The following DLGAP2 variants were observed in gnomAD, a reference collection of about 807,000 sequenced individuals.
DLGAP2 encodes the protein disks large-associated protein 2.
Under a neutral mutation model 100.3 loss-of-function variants are expected in DLGAP2, and 26 were observed. The observed-to-expected ratio is 0.26, with a 90% CI of 0.19 to 0.36. The LOEUF (loss-of-function observed/expected upper bound fraction) is 0.36, where lower values mean the gene tolerates loss of function less well. DLGAP2 is among the 10% of genes least tolerant of loss of function. The pLI is 1.00. For missense variants in DLGAP2, 1,858 were observed against 1,453.2 expected (o/e 1.28, Z -4.53); for synonymous variants, 886 against 630.1 (o/e 1.41, Z -6.08).
chr8:786,199 C>CTGGCTCATCAGTTTCCTCAG (rs1206901156), intron 1 of DLGAP2, among the ~76,000 whole-genome samples: 1 of 152,196 alleles, frequency 6.6e-6, no homozygotes, highest in Non-Finnish European at 1.5e-5. Flanking sequence ...GTCTCGGCCT[C>CTGGCTCATCAGTTTCCTCAG]TGGCTCATCA....
At chr8:1,501,199 G>A (rs1799710663) in intron 3 of DLGAP2, among the ~76,000 whole-genome samples, 167 bp from the exon 4 acceptor site, 1 of 152,206 alleles carries the variant, frequency 6.6e-6, no homozygotes, top group Non-Finnish European at 1.5e-5. Flanking sequence ...TTGTTCCTGA[G>A]GTTATTGGCA....
chr8:1,418,303 G>C (rs1344856102), intron 3 of DLGAP2, among the ~76,000 whole-genome samples: 1 of 152,216 alleles, frequency 6.6e-6, no homozygotes, highest in East Asian at 1.9e-4. Flanking sequence ...AAATTAAACA[G>C]CTTCACTTTA....
chr8:1,482,998 C>G (rs1374820233), intron 3 of DLGAP2, among the ~76,000 whole-genome samples: 1 of 152,242 alleles, frequency 6.6e-6, no homozygotes. Flanking sequence ...CCTGGCGCAC[C>G]TGTTCTTCCC....
At chr8:1,393,079 C>T (rs1451103315) in intron 3 of DLGAP2, among the ~76,000 whole-genome samples, 1 of 34,866 alleles carries the variant, frequency 2.9e-5, no homozygotes, top group Non-Finnish European at 5.7e-5. Context: ...CCTCCAGAGT[C>T]GTGCATTGAG....
At chr8:1,305,986 C>T (rs570888399) in intron 3 of DLGAP2, among the ~76,000 whole-genome samples, 1 of 149,646 alleles carries the variant, frequency 6.7e-6, no homozygotes, top group African/African-American at 2.4e-5. Flanking sequence ...AATTTTATAT[C>T]CAGATATTTT....
At chr8:1,112,884 G>A (rs1164461681) in intron 2 of DLGAP2, among the ~76,000 whole-genome samples, 1 of 152,038 alleles carries the variant, frequency 6.6e-6, no homozygotes, top group Non-Finnish European at 1.5e-5. Context: ...TTTTGTACAT[G>A]GCATAAGGAA....
intron 6 of DLGAP2, among the ~76,000 whole-genome samples, chr8:1,606,538 A>G (rs1167684419): frequency 6.6e-6 from 1 of 152,154 alleles, no homozygotes; most frequent in Middle Eastern, 3.2e-3. Context: ...TCCACATTGC[A>G]GCATGTGTCA....
intron 3 of DLGAP2, among the ~76,000 whole-genome samples, chr8:1,452,650 A>C (rs1312050908): frequency 6.6e-6 from 1 of 152,226 alleles, no homozygotes; most frequent in East Asian, 1.9e-4. Context: ...CTTAGGAGGC[A>C]GGAGATGCCG....
chr8:1,317,340 A>C (rs1349312820), intron 3 of DLGAP2, among the ~76,000 whole-genome samples: 34 of 126,850 alleles, frequency 2.7e-4, no homozygotes, highest in African/African-American at 9.4e-4. Context: ...GCGTCTCTCC[A>C]ACAGTGGTCT....
chr8:1,001,225 T>C lies in DLGAP2; in HGVS notation c.73+93259T>C, dbSNP rs116757803. ...GCTTTGACTATTTTTCACATTGTAT[T>C]GTGATCAGGACAGGGTTGTACTGCA... On this transcript the variant is annotated intron_variant, in intron 2 of 14. Coordinates refer to ENST00000637795, the MANE Select transcript of DLGAP2 (RefSeq NM_001346810.2). Among the ~76,000 whole-genome samples the C allele has an allele frequency of 4.6e-3, 707 of 152,346 alleles. 5 individuals carry two copies. The highest frequency in any genetic ancestry group is 0.016 in the African/African-American group (666 of 41,584).
chr8:1,149,363 G>C (rs1161323271), intron 2 of DLGAP2, among the ~76,000 whole-genome samples: 1 of 152,068 alleles, frequency 6.6e-6, no homozygotes, highest in Non-Finnish European at 1.5e-5. Context: ...TAGCCAGGAT[G>C]GTCTCGATCT....
At chr8:1,080,467 C>T (rs193240753) in intron 2 of DLGAP2, among the ~76,000 whole-genome samples, 13 of 152,180 alleles carry the variant, frequency 8.5e-5, no homozygotes, top group African/African-American at 2.6e-4. Flanking sequence ...TGAAGTGGGG[C>T]GGGAAAGCTG....
chr8:1,555,439 C>T (rs1801931335), intron 5 of DLGAP2, among the ~76,000 whole-genome samples: 1 of 152,338 alleles, frequency 6.6e-6, no homozygotes, highest in African/African-American at 2.4e-5. Flanking sequence ...TTGTGAGGGG[C>T]TCCTCCACAA....
At chr8:885,473 G>A (rs1363349057) in intron 1 of DLGAP2, among the ~76,000 whole-genome samples, 1 of 152,142 alleles carries the variant, frequency 6.6e-6, no homozygotes, top group Non-Finnish European at 1.5e-5. Flanking sequence ...CATTGATTTT[G>A]TATCCTGAGA....
chr8:1,455,469 GC>G (rs146540840), intron 3 of DLGAP2, among the ~76,000 whole-genome samples: 2,549 of 152,336 alleles, frequency 0.017, 71 homozygotes, highest in African/African-American at 0.057. Context: ...CAACATTCGG[GC>G]CTGAGCCTAG....
At chr8:1,639,591 T>G (rs551840310) in intron 8 of DLGAP2, among the ~76,000 whole-genome samples, 29 of 152,324 alleles carry the variant, frequency 1.9e-4, no homozygotes, top group African/African-American at 6.7e-4. Flanking sequence ...AAAGCAGGTG[T>G]GTTTGTCTCA....
At chr8:753,917 G>A (rs1182589563) in intron 1 of DLGAP2, 1 of 152,242 alleles carries the variant, frequency 6.6e-6, no homozygotes. Flanking sequence ...GCCGCAGGAA[G>A]GGCCTTCGCG....
At chr8:1,265,912 C>G (rs1359452790) in intron 3 of DLGAP2, among the ~76,000 whole-genome samples, 1 of 152,126 alleles carries the variant, frequency 6.6e-6, no homozygotes, top group Non-Finnish European at 1.5e-5. Flanking sequence ...TAGGATGACT[C>G]AGGTATTTTT....
At chr8:1,320,312 G>A (rs1463896534) in intron 3 of DLGAP2, among the ~76,000 whole-genome samples, 1 of 152,104 alleles carries the variant, frequency 6.6e-6, no homozygotes, top group East Asian at 1.9e-4. Flanking sequence ...GCTACCAGGA[G>A]ATGCCTGGAG....
Sources: gnomAD v4.1 joint callset for allele counts (sites outside exome capture counted in the v4.1 genomes callset) on GRCh38, gnomAD v4.1.1 for gene constraint, MANE v1.5 for transcripts, NCBI Gene and HGNC (gene_info 2026-07-23, HGNC 2026-07-21) for gene names.